PLA2R1: variants seen among roughly 807,000 people sequenced by gnomAD.
PLA2R1 encodes phospholipase A2 receptor 1.
A neutral mutation model predicts 195.9 loss-of-function variants in PLA2R1; 158 were observed. The observed-to-expected ratio is 0.81, with a 90% CI of 0.71 to 0.92. PLA2R1 has a LOEUF of 0.92. Among genes scored for constraint, PLA2R1 ranks in the 40% least tolerant of loss-of-function variants. PLA2R1 has a pLI of 0.00. For missense variants in PLA2R1, 1,626 were observed against 1,764.6 expected, an observed-to-expected ratio of 0.92 and a Z score of 1.41; for synonymous variants, 586 against 598.2, an observed-to-expected ratio of 0.98 and a Z score of 0.30.
intron 13 of PLA2R1, among the ~76,000 whole-genome samples, chr2:159,981,410 A>G (rs955388): frequency 0.36 from 54,501 of 151,934 alleles, 12,295 homozygotes; most frequent in Non-Finnish European, 0.49. Context: ...ACAGTTATTG[A>G]TAATTTTTTT....
intron 28 of PLA2R1, 22 bp from the exon 29 acceptor site, chr2:159,942,181 A>G (rs1687122608): frequency 6.3e-7 from 1 of 1,598,260 alleles, no homozygotes; most frequent in African/African-American, 1.3e-5. Flanking sequence ...TACAAAAATT[A>G]AAATGAGGTT....
rs1469060134 is a variant in PLA2R1, at chr2:159,937,522, T to C, written c.*4256A>G. The C allele has an allele frequency of 6.6e-6, 1 of 152,196 alleles. No homozygotes were observed. Among genetic ancestry groups the C allele is most frequent in the Non-Finnish European group, 1.5e-5 (1 of 68,026 alleles). The allele number at this position is 152,196 out of a possible 1,614,324, so 9.4% of individuals were successfully genotyped here. A position where few individuals can be genotyped will look rare whatever the true frequency, so the allele number is the denominator to read the frequency against. On this transcript the variant is annotated 3_prime_UTR_variant, in exon 30 of 30. Coordinates refer to ENST00000283243, the MANE Select transcript of PLA2R1 (RefSeq NM_007366.5). ...AATTCATTTTTCAGTTCAAATAAGCTTGTTAATACTCATCCTCACAACTCA... is the reference window on the plus strand; with the variant it reads ...AATTCATTTTTCAGTTCAAATAAGCCTGTTAATACTCATCCTCACAACTCA...
chr2:159,949,869 T>G, intron 24 of PLA2R1, 93 bp from the exon 25 acceptor site: 2 of 936,996 alleles, frequency 2.1e-6, no homozygotes, highest in Non-Finnish European at 3.4e-6. Flanking sequence ...CCACATCGAT[T>G]GCTATTTCTG....
At chr2:160,037,421 T>C (rs1694230515) in intron 3 of PLA2R1, among the ~76,000 whole-genome samples, 1 of 152,146 alleles carries the variant, frequency 6.6e-6, no homozygotes, top group African/African-American at 2.4e-5. Flanking sequence ...TTGTCTTTCT[T>C]AGATGGCAAT....
rs1687068305 is a variant in PLA2R1 at position 159,941,181 on chromosome 2, T to G, written c.*597A>C. 2 of 152,212 alleles carry G rather than the reference T, an allele frequency of 1.3e-5. No homozygotes were observed. Among genetic ancestry groups the G allele is most frequent in the Admixed American group, 1.3e-4 (2 of 15,284 alleles). The allele number at this position is 152,212 out of a possible 1,614,324, so 9.4% of individuals were successfully genotyped here. On this transcript the variant is annotated 3_prime_UTR_variant, in exon 30 of 30. Transcript: ENST00000283243. ...TTTCTTTCTCCTTTAGCTTGAGATG[T>G]TAGACCTAATAAAAATGAATGTCAC...
At chr2:160,038,930 G>A (rs1340377041) in intron 3 of PLA2R1, among the ~76,000 whole-genome samples, 8 of 152,126 alleles carry the variant, frequency 5.3e-5, no homozygotes, top group Admixed American at 1.3e-4. Context: ...GCAGTGGCGC[G>A]ATCTTGGCTC....
rs1324060365 is a variant in PLA2R1, at chr2:159,933,870, C to G, written c.*7908G>C. 1.3e-5 allele frequency: 2 copies of G among 152,172 alleles called. No individual in the cohort carries two copies. The highest frequency in any genetic ancestry group is 4.8e-5 in the African/African-American group (2 of 41,440). The allele number at this position is 152,172 out of a possible 1,614,324, so 9.4% of individuals were successfully genotyped here. A position where few individuals can be genotyped will look rare whatever the true frequency, so the allele number is the denominator to read the frequency against. ...GGGTCCAGAAAGTAAATATTTTAGG[C>G]TTTGCAGGCCATTCGGTCTCTGTTG... On this transcript the variant is annotated 3_prime_UTR_variant, in exon 30 of 30. Coordinates refer to ENST00000283243, the MANE Select transcript of PLA2R1 (RefSeq NM_007366.5).
downstream of PLA2R1, among the ~76,000 whole-genome samples, chr2:159,931,345 C>T (rs1221164786): frequency 6.6e-6 from 1 of 152,090 alleles, no homozygotes; most frequent in Non-Finnish European, 1.5e-5. Context: ...GCCTGGGTAA[C>T]AGAGTGAGAC....
chr2:159,965,288 T>C (rs1688712782), intron 20 of PLA2R1, among the ~76,000 whole-genome samples: 1 of 152,196 alleles, frequency 6.6e-6, no homozygotes, highest in African/African-American at 2.4e-5. Flanking sequence ...GCCCTAAGAA[T>C]CTTCCACAAC....
At position 159,981,826 on chromosome 2, in the gene PLA2R1, C is replaced by T. The variant is rs185119137; in HGVS notation, c.2184-1912G>A. Among the ~76,000 whole-genome samples, 45 of 152,260 alleles carry T rather than the reference C, an allele frequency of 3.0e-4. No individual in the cohort carries two copies. In the East Asian group the frequency reaches 8.3e-3, roughly 28 times the overall value. ...GGTTTTGCTGGGACTACAGGTGTGG[C>T]CACCACACCCAGCTAATTTTGAAAA... is the stretch of plus-strand genomic sequence containing the variant. On this transcript the variant is annotated intron_variant, in intron 13 of 29. Coordinates refer to ENST00000283243, the MANE Select transcript of PLA2R1 (RefSeq NM_007366.5).
At chr2:160,042,288 T>C in intron 2 of PLA2R1, 90 bp from the exon 3 acceptor site, 1 of 1,081,426 alleles carries the variant, frequency 9.2e-7, no homozygotes, top group South Asian at 1.5e-5. Context: ...TTTTATGGAC[T>C]GAAACCCTCT....
intron 10 of PLA2R1, among the ~76,000 whole-genome samples, chr2:160,012,278 C>T (rs962456484): frequency 6.6e-6 from 1 of 152,174 alleles, no homozygotes; most frequent in Non-Finnish European, 1.5e-5. Flanking sequence ...AGTTCTACCC[C>T]GCTTCTGTCT....
At chr2:160,013,553 C>A (rs184025770) in intron 9 of PLA2R1, among the ~76,000 whole-genome samples, 178 bp from the exon 10 acceptor site, 2 of 152,124 alleles carry the variant, frequency 1.3e-5, no homozygotes, top group African/African-American at 2.4e-5. Context: ...ATTAACTACA[C>A]CCACTTCTAC....
intron 11 of PLA2R1, among the ~76,000 whole-genome samples, chr2:159,997,101 A>G (rs897734592): frequency 5.9e-5 from 9 of 152,032 alleles, no homozygotes; most frequent in African/African-American, 2.2e-4. Flanking sequence ...ATTTTTGTTG[A>G]AAAGTGGATG....
chr2:159,936,324 G>A lies in PLA2R1; in HGVS notation c.*5454C>T, dbSNP rs2125906649. 6.6e-6 allele frequency: 1 copy of A among 152,168 alleles called. No individual in the cohort carries two copies. Among genetic ancestry groups the A allele is most frequent in the South Asian group, 2.1e-4 (1 of 4,816 alleles). 9.4% of individuals were successfully genotyped at this position (152,168 alleles called of 1,614,324 possible). A position where few individuals can be genotyped will look rare whatever the true frequency, so the allele number is the denominator to read the frequency against. ...TACACATTTTCTTCTATATTGAGTT[G>A]TCATTTCAATTATTGTTAGTATACA... On this transcript the variant is annotated 3_prime_UTR_variant, in exon 30 of 30. Coordinates refer to ENST00000283243, the MANE Select transcript of PLA2R1 (RefSeq NM_007366.5).
chr2:160,020,285 T>G (rs1199439555), intron 7 of PLA2R1, 22 bp from the exon 8 acceptor site: 1 of 1,576,194 alleles, frequency 6.3e-7, no homozygotes, highest in African/African-American at 1.4e-5. Context: ...AAATGTAAAT[T>G]ACTTATGGGA....
At chr2:160,034,555 A>G (rs1034485985) in intron 3 of PLA2R1, among the ~76,000 whole-genome samples, 1 of 152,198 alleles carries the variant, frequency 6.6e-6, no homozygotes, top group African/African-American at 2.4e-5. Flanking sequence ...GTGTTACGAG[A>G]CACTAGTTCA....
intron 20 of PLA2R1, among the ~76,000 whole-genome samples, chr2:159,961,355 G>C (rs1688425402): frequency 6.6e-6 from 1 of 152,000 alleles, no homozygotes; most frequent in Admixed American, 6.6e-5. Flanking sequence ...TGAATTGCTG[G>C]GTAAATATTG....
intron 20 of PLA2R1, among the ~76,000 whole-genome samples, chr2:159,966,943 AT>A (rs200930996): frequency 1.8e-4 from 27 of 150,616 alleles, no homozygotes; most frequent in East Asian, 3.9e-4. Context: ...CCCACTGGCA[AT>A]TTTTTTTTTC....
Sources: gnomAD v4.1 joint callset for allele counts (sites outside exome capture counted in the v4.1 genomes callset) on GRCh38, gnomAD v4.1.1 for gene constraint, MANE v1.5 for transcripts, NCBI Gene and HGNC (gene_info 2026-07-23, HGNC 2026-07-21) for gene names.